The following POU2AF1 variants were observed in gnomAD, a reference collection of about 807,000 sequenced individuals.
POU2AF1 encodes the protein POU domain class 2-associating factor 1.
Under a neutral mutation model 26.3 loss-of-function variants are expected in POU2AF1, and 12 were observed. The ratio of observed to expected loss-of-function variants is 0.46; its 90% confidence interval spans 0.29 to 0.74. The LOEUF is 0.74. Among genes scored for constraint, POU2AF1 ranks in the 30% least tolerant of loss-of-function variants. The pLI is 0.09. For missense variants in POU2AF1, 297 were observed against 334.5 expected (o/e 0.89, Z 0.87); for synonymous variants, 175 against 148.0 (o/e 1.18, Z -1.32).
chr11:111,363,848 C>A (rs1861055824), intron 1 of POU2AF1: 3 of 985,378 alleles, frequency 3.0e-6, no homozygotes, highest in Non-Finnish European at 3.6e-6. Flanking sequence ...ATCCTGTGGT[C>A]TGAGGGCCTT....
chr11:111,367,894 C>A (rs1861135188), intron 1 of POU2AF1, among the ~76,000 whole-genome samples: 1 of 152,318 alleles, frequency 6.6e-6, no homozygotes, highest in Non-Finnish European at 1.5e-5. Flanking sequence ...CCTGAGAAAG[C>A]AGCTGCATCT....
rs1312669853 is a variant in POU2AF1 at position 111,358,418 on chromosome 11, A to T, written c.147+370T>A. 9.9e-3 allele frequency among the ~76,000 whole-genome samples: 733 copies of T among 73,786 alleles called. 7 individuals are homozygous for T. Among genetic ancestry groups the T allele is most frequent in the African/African-American group, 0.028 (599 of 21,520 alleles). 48.4% of individuals were successfully genotyped at this position (73,786 alleles called of 152,430 possible). ...CTCACACACATACTCTCTCACACACACGCTCACACTCTCACACTCACTCTC... is the reference window on the plus strand; with the variant it reads ...CTCACACACATACTCTCTCACACACTCGCTCACACTCTCACACTCACTCTC... On this transcript the variant is annotated intron_variant, in intron 2 of 4. Coordinates refer to ENST00000393067, the MANE Select transcript of POU2AF1 (RefSeq NM_006235.3).
intron 1 of POU2AF1, among the ~76,000 whole-genome samples, chr11:111,377,377 C>G (rs775594907): frequency 1.3e-5 from 2 of 152,108 alleles, no homozygotes; most frequent in Middle Eastern, 3.4e-3. Context: ...AACACTCTGT[C>G]TCAAAAAACA....
At chr11:111,357,889 C>A in intron 2 of POU2AF1, 52 bp from the exon 3 acceptor site, 2 of 1,528,294 alleles carry the variant, frequency 1.3e-6, no homozygotes, top group Non-Finnish European at 1.8e-6. Context: ...CGTCAACCGG[C>A]CCTGTGCAGA....
At position 111,354,346 on chromosome 11, in the gene POU2AF1, G is replaced by C. The variant is rs754653785; in HGVS notation, c.686C>G (p.Ser229Trp). 1 of 1,614,108 alleles carries C rather than the reference G, an allele frequency of 6.2e-7. No individual in the cohort carries two copies. The highest frequency in any genetic ancestry group is 8.5e-7 in the Non-Finnish European group (1 of 1,180,054). Residue 229 changes from serine to tryptophan, a missense_variant, in exon 5 of 5, where the codon TCG becomes TGG. Coordinates refer to ENST00000393067, the MANE Select transcript of POU2AF1 (RefSeq NM_006235.3). ...CAAAAGCAGCTTGTCGATGGTCAAC[G>C]AGCTGGCGGCTCTTCTGGGGTCTTC... ...DMEDPRRAAS[S>W]LTIDKLLLEE...
chr11:111,363,434 C>T (rs1267905891), intron 1 of POU2AF1: 3 of 1,013,680 alleles, frequency 3.0e-6, no homozygotes, highest in Non-Finnish European at 1.2e-6. Context: ...TTCACACCAA[C>T]CTATGTGCAG....
At chr11:111,363,303 G>C (rs945876345) in intron 1 of POU2AF1, 10 of 1,025,986 alleles carry the variant, frequency 9.7e-6, no homozygotes, top group Non-Finnish European at 1.2e-5. Context: ...AAGAAGGAGG[G>C]TGCTTCTCAT....
intron 1 of POU2AF1, among the ~76,000 whole-genome samples, chr11:111,370,534 G>A (rs929869335): frequency 6.6e-6 from 1 of 152,094 alleles, no homozygotes; most frequent in East Asian, 1.9e-4. Context: ...ATATAGTTAT[G>A]GTGCCTGCAG....
At chr11:111,362,175 T>C (rs1861022937) in intron 1 of POU2AF1, among the ~76,000 whole-genome samples, 1 of 152,194 alleles carries the variant, frequency 6.6e-6, no homozygotes, top group South Asian at 2.1e-4. Context: ...TTGGTTTTAA[T>C]CTTTATGAGT....
At chr11:111,371,658 T>C (rs1565366644) in intron 1 of POU2AF1, among the ~76,000 whole-genome samples, 1 of 152,150 alleles carries the variant, frequency 6.6e-6, no homozygotes, top group Non-Finnish European at 1.5e-5. Flanking sequence ...AATCTAAAAT[T>C]AGCCGGCATA....
chr11:111,357,907 C>A (rs1240170120), intron 2 of POU2AF1, 70 bp from the exon 3 acceptor site: 3 of 1,443,422 alleles, frequency 2.1e-6, no homozygotes, highest in South Asian at 1.4e-5. Context: ...AGAGAACTTG[C>A]CCAGAGGGCC....
At chr11:111,372,833 G>T (rs1861238534) in intron 1 of POU2AF1, among the ~76,000 whole-genome samples, 1 of 152,222 alleles carries the variant, frequency 6.6e-6, no homozygotes, top group African/African-American at 2.4e-5. Flanking sequence ...GTCAGCAGAA[G>T]TTGTGTGTTG....
chr11:111,358,202 T>C (rs574002383), intron 2 of POU2AF1, among the ~76,000 whole-genome samples: 195 of 152,170 alleles, frequency 1.3e-3, no homozygotes, highest in Non-Finnish European at 2.2e-3. Flanking sequence ...GCTCTATCCC[T>C]GGCAGCCTCC....
Position 111,353,336 on chromosome 11 carries a change from C to T in POU2AF1, c.*925G>A, listed in dbSNP as rs1376651660. 1 of 233,806 alleles carries T rather than the reference C, an allele frequency of 4.3e-6. No individual in the cohort carries two copies. The highest frequency in any genetic ancestry group is 2.2e-5 in the African/African-American group (1 of 45,330). The allele number at this position is 233,806 out of a possible 1,614,324, so 14.5% of individuals were successfully genotyped here. On this transcript the variant is annotated 3_prime_UTR_variant, in exon 5 of 5. Coordinates refer to ENST00000393067, the MANE Select transcript of POU2AF1 (RefSeq NM_006235.3). ...AGCCAAGTCATTCCTCAGCCTTCCTCCTCCCTGCATCAAACTCAAGCTTCC... is the reference window on the plus strand; with the variant it reads ...AGCCAAGTCATTCCTCAGCCTTCCTTCTCCCTGCATCAAACTCAAGCTTCC...
rs1860802995 is a variant in POU2AF1, at chr11:111,354,459, C to A, written c.573G>T (p.Leu191=). Residue 191 remains leucine, a synonymous_variant, in exon 5 of 5, where the codon CTG becomes CTT. Coordinates refer to ENST00000393067, the MANE Select transcript of POU2AF1 (RefSeq NM_006235.3). ...QPLSTLPTST[L]QYQPPAPALP... ...GGGCTGGGGCCGGAGGCTGGTACTG[C>A]AGGGTGGAGGTGGGTAGTGTGGAAA... 3 of 1,613,510 alleles carry A rather than the reference C, an allele frequency of 1.9e-6. No homozygotes were observed. In the East Asian group the frequency reaches 6.7e-5, roughly 36 times the overall value.
At chr11:111,361,085 G>A (rs1860998308) in intron 1 of POU2AF1, among the ~76,000 whole-genome samples, 2 of 151,960 alleles carry the variant, frequency 1.3e-5, no homozygotes, top group South Asian at 4.2e-4. Context: ...AACTTCCCCT[G>A]TCTGAACAAG....
At chr11:111,355,344 C>T (rs1860822341) in intron 4 of POU2AF1, among the ~76,000 whole-genome samples, 1 of 152,240 alleles carries the variant, frequency 6.6e-6, no homozygotes. Context: ...ATACCTCTCA[C>T]CTGCACGGCG....
intron 1 of POU2AF1, 121 bp downstream of exon 1, chr11:111,379,019 CTGCTCCGGGGCTTGGAACCCAG>C: frequency 3.8e-6 from 2 of 522,942 alleles, no homozygotes; most frequent in Non-Finnish European, 6.8e-6. Context: ...TCCCCCCTCC[CTGCTCCGGGGCTTGGAACCCAG>C]ACCCCCTCCC....
intron 1 of POU2AF1, chr11:111,363,288 C>A (rs1338125929): frequency 3.9e-6 from 4 of 1,024,412 alleles, no homozygotes; most frequent in Non-Finnish European, 4.7e-6. Flanking sequence ...TCCAGCTGAG[C>A]AGGTAAGAAG....
Sources: allele counts gnomAD v4.1 joint callset (sites outside exome capture counted in the v4.1 genomes callset), GRCh38; gene constraint gnomAD v4.1.1; transcripts MANE v1.5; gene names NCBI Gene and HGNC (gene_info 2026-07-23, HGNC 2026-07-21).